Variants in TTLL4 observed in about 807,000 individuals in gnomAD.
The protein encoded by TTLL4 is tubulin monoglutamylase TTLL4.
TTLL4 carries 85 observed loss-of-function variants against 122.7 expected under a neutral mutation model. The ratio of observed to expected loss-of-function variants is 0.69; its 90% confidence interval spans 0.58 to 0.83. The LOEUF (loss-of-function observed/expected upper bound fraction) is 0.83, where lower values mean the gene tolerates loss of function less well. Among genes scored for constraint, TTLL4 ranks in the 40% least tolerant of loss-of-function variants. The pLI is 0.00. For missense variants in TTLL4, 1,363 were observed against 1,488.6 expected, an observed-to-expected ratio of 0.92 and a Z score of 1.39; for synonymous variants, 553 against 563.0, an observed-to-expected ratio of 0.98 and a Z score of 0.25.
At chr2:218,745,618 CTT>C in intron 6 of TTLL4, 71 bp from the exon 7 acceptor site, 2 of 1,050,556 alleles carry the variant, frequency 1.9e-6, no homozygotes, top group Admixed American at 2.0e-5. Flanking sequence ...GCCATGCCAT[CTT>C]TTTTGTCTTC....
rs554610078 is a variant in TTLL4 at position 218,725,296 on chromosome 2, C to T, written c.-177-1973C>T. 3.4e-4 allele frequency among the ~76,000 whole-genome samples: 52 copies of T among 152,186 alleles called. No individual in the cohort carries two copies. In the South Asian group the frequency reaches 7.1e-3, roughly 21 times the overall value. ...ATGCAGTGGTGTATTCACAGCTCAC[C>T]ACAGCCTCCATCTCCTGGGCTCAAG... On this transcript the variant is annotated intron_variant, in intron 1 of 19. Transcript: ENST00000392102.
At chr2:218,712,914 C>T (rs77163164) in intron 1 of TTLL4, among the ~76,000 whole-genome samples, 98 of 152,256 alleles carry the variant, frequency 6.4e-4, no homozygotes, top group African/African-American at 1.9e-3. Context: ...CAATCCCATT[C>T]GTGTAAACTG....
At chr2:218,729,748 T>TA (rs771622464) in intron 2 of TTLL4, among the ~76,000 whole-genome samples, 975 of 78,414 alleles carry the variant, frequency 0.012, 9 homozygotes, top group African/African-American at 0.028. Flanking sequence ...TCTCTCTTTT[T>TA]AAAAAAAAAA....
chr2:218,736,952 C>T (rs1241055552), intron 2 of TTLL4, among the ~76,000 whole-genome samples: 8 of 151,342 alleles, frequency 5.3e-5, no homozygotes. Context: ...CAGGCTCAAG[C>T]GATCCTCCCA....
chr2:218,751,906 T>TTC, intron 16 of TTLL4, 100 bp downstream of exon 16: 1 of 654,106 alleles, frequency 1.5e-6, no homozygotes, highest in Non-Finnish European at 2.2e-6. Context: ...TTTCTTTTCT[T>TTC]TTTCTTTTTT....
In TTLL4 at chr2:218,737,653, G is replaced by T; in HGVS notation, c.-24G>T. The T allele has an allele frequency of 6.4e-7, 1 of 1,554,594 alleles. No homozygotes were observed. The highest frequency in any genetic ancestry group is 8.7e-7 in the Non-Finnish European group (1 of 1,150,252). ...CTTACCTCAGCAAGGCCATGAGACC[G>T]TGTGGCCATGATGTGGGCCCCTCAT... On this transcript the variant is annotated 5_prime_UTR_variant, in exon 3 of 20. Coordinates refer to ENST00000392102, the MANE Select transcript of TTLL4 (RefSeq NM_014640.5).
At position 218,752,959 on chromosome 2, in the gene TTLL4, G is replaced by T; in HGVS notation, c.3173G>T (p.Gly1058Val). 6.2e-7 allele frequency: 1 copy of T among 1,614,152 alleles called. No homozygotes were observed. The highest frequency in any genetic ancestry group is 1.7e-5 in the Admixed American group (1 of 60,014). ...LTTQWEQKYH[G>V]NKLKGVDLLR... ...ACCCAATGGGAACAGAAATACCATG[G>T]CAACAAGCTTAAAGGTGATGTGCCC... Residue 1058 changes from glycine to valine, a missense_variant, in exon 17 of 20, where the codon GGC (glycine) becomes GTC (valine). Gly to Val is a moderately radical substitution (Grantham distance 109, BLOSUM62 -3). Around this residue, in one of 3 missense-constraint regions of TTLL4, gnomAD observed 596 missense variants for 655.8 expected, o/e 0.91. Transcript: ENST00000392102.
At chr2:218,753,992 T>A (rs562188124) in intron 19 of TTLL4, 142 bp from the exon 20 acceptor site, 3 of 1,271,236 alleles carry the variant, frequency 2.4e-6, no homozygotes, top group South Asian at 2.9e-5. Flanking sequence ...GAATTTTTTT[T>A]ATGGTTATTA....
downstream of TTLL4, among the ~76,000 whole-genome samples, chr2:218,756,632 T>C (rs1943156453): frequency 6.6e-6 from 1 of 152,226 alleles, no homozygotes; most frequent in Non-Finnish European, 1.5e-5. Context: ...GGTATTCAGC[T>C]AAGCAGGAAT....
At position 218,738,884 on chromosome 2, in the gene TTLL4, C is replaced by T; in HGVS notation, c.1208C>T (p.Ala403Val). Residue 403 changes from alanine (A) to valine (V), a missense_variant, in exon 3 of 20, where the codon GCC (alanine) becomes GTC (valine). Coordinates refer to ENST00000392102, the MANE Select transcript of TTLL4 (RefSeq NM_014640.5). Reference sequence around the variant, plus strand: ...TCGGTCAGGCGGGTCCTCCCTGGTGCCTCAGATACCTTGGGGTTGGACAAT... The same window carrying T: ...TCGGTCAGGCGGGTCCTCCCTGGTGTCTCAGATACCTTGGGGTTGGACAAT... ...AGSVRRVLPG[A>V]SDTLGLDNTV... The T allele has an allele frequency of 6.2e-7, 1 of 1,614,210 alleles. No homozygotes were observed. Among genetic ancestry groups the T allele is most frequent in the Middle Eastern group, 1.6e-4 (1 of 6,062 alleles).
At position 218,754,980 on chromosome 2, in the gene TTLL4, C is replaced by G; in HGVS notation, c.*591C>G. ...TCACCGCCTCCTTCCAAATACCCAC[C>G]CTGCCAGCAGCCCTAGGTCTTCCTG... On this transcript the variant is annotated 3_prime_UTR_variant, in exon 20 of 20. Transcript: ENST00000392102. The G allele has an allele frequency of 6.4e-6, 1 of 155,172 alleles. No homozygotes were observed. The highest frequency in any genetic ancestry group is 1.4e-5 in the Non-Finnish European group (1 of 69,978). 9.6% of individuals were successfully genotyped at this position (155,172 alleles called of 1,614,324 possible).
At chr2:218,743,204 C>A (rs1298380363) in intron 5 of TTLL4, among the ~76,000 whole-genome samples, 1 of 151,920 alleles carries the variant, frequency 6.6e-6, no homozygotes, top group South Asian at 2.1e-4. Context: ...CTCCTCCTAC[C>A]CTTACTCTCC....
chr2:218,741,514 A>T (rs1942700408), intron 5 of TTLL4, among the ~76,000 whole-genome samples: 1 of 152,134 alleles, frequency 6.6e-6, no homozygotes, highest in Non-Finnish European at 1.5e-5. Context: ...GCAGCAGCAC[A>T]CCAATTTTAG....
intron 12 of TTLL4, 67 bp from the exon 13 acceptor site, chr2:218,748,769 T>C: frequency 1.4e-6 from 2 of 1,460,536 alleles, no homozygotes; most frequent in Non-Finnish European, 1.9e-6. Context: ...CTCTTCTTCG[T>C]TTTTCTTTGT....
Position 218,745,440 on chromosome 2 carries a change from A to G in TTLL4, c.1786+207A>G. 1.6e-5 allele frequency: 11 copies of G among 675,548 alleles called. 1 individual carries two copies. In the South Asian group the frequency reaches 1.7e-4, roughly 11 times the overall value. 41.8% of individuals were successfully genotyped at this position (675,548 alleles called of 1,614,324 possible). Reference sequence around the variant, plus strand: ...TTAGCTGACCCTTTTCAGCCTTGCCATGTCATGCTGAGTTCATGCTCTTCA... The same window carrying G: ...TTAGCTGACCCTTTTCAGCCTTGCCGTGTCATGCTGAGTTCATGCTCTTCA... On this transcript the variant is annotated intron_variant, in intron 6 of 19. Coordinates refer to ENST00000392102, the MANE Select transcript of TTLL4 (RefSeq NM_014640.5).
At chr2:218,753,705 T>G (rs1239209231) in intron 19 of TTLL4, 36 bp downstream of exon 19, 2 of 1,606,590 alleles carry the variant, frequency 1.2e-6, no homozygotes, top group Non-Finnish European at 1.7e-6. Context: ...GGCTGCTGGC[T>G]GTGAGTTTGT....
intron 2 of TTLL4, among the ~76,000 whole-genome samples, chr2:218,732,121 G>A (rs1575168094): frequency 6.6e-6 from 1 of 152,302 alleles, no homozygotes; most frequent in African/African-American, 2.4e-5. Flanking sequence ...AGATCCTTTG[G>A]ACTTAGTAAC....
rs772740355 is a variant in TTLL4 at position 218,753,542 on chromosome 2, C to T, written c.3259-42C>T. 1.9e-6 allele frequency: 3 copies of T among 1,602,030 alleles called. No individual in the cohort carries two copies. In the African/African-American group the frequency reaches 4.0e-5, roughly 21 times the overall value. On this transcript the variant is annotated intron_variant, in intron 18 of 19. Coordinates refer to ENST00000392102, the MANE Select transcript of TTLL4 (RefSeq NM_014640.5). ...AAGACCCCAAACACTCCTGCCTTGC[C>T]TCCGCCAAGCCTTTTGGTCTCATTG...
downstream of TTLL4, among the ~76,000 whole-genome samples, chr2:218,756,929 G>T (rs567847357): frequency 6.6e-6 from 1 of 152,310 alleles, no homozygotes; most frequent in South Asian, 2.1e-4. Flanking sequence ...GTAATGAAGA[G>T]ATGGCCTTGT....
Sources: allele counts gnomAD v4.1 joint callset (sites outside exome capture counted in the v4.1 genomes callset), GRCh38; gene constraint gnomAD v4.1.1; regional missense constraint gnomAD v4.1.1; transcripts MANE v1.5; gene names NCBI Gene and HGNC (gene_info 2026-07-23, HGNC 2026-07-21).